Variants in GPR137C observed in about 807,000 individuals in gnomAD.
GPR137C encodes the protein G protein-coupled receptor 137C.
Under a neutral mutation model 43.4 loss-of-function variants are expected in GPR137C, and 27 were observed. The observed-to-expected ratio is 0.62, with a 90% CI of 0.46 to 0.86. GPR137C has a LOEUF of 0.86. Among genes scored for constraint, GPR137C ranks in the 40% least tolerant of loss-of-function variants. The pLI, the probability that GPR137C is intolerant of heterozygous loss-of-function variation, is 0.00. For missense variants in GPR137C, 522 were observed against 534.6 expected (o/e 0.98, Z 0.23); for synonymous variants, 285 against 226.9 (o/e 1.26, Z -2.30).
intron 3 of GPR137C, among the ~76,000 whole-genome samples, chr14:52,618,523 TTCTC>T (rs569099656): frequency 4.9e-4 from 75 of 152,288 alleles, no homozygotes; most frequent in Non-Finnish European, 8.2e-4. Context: ...ATTTGTCTTT[TTCTC>T]TCTCATTAAG....
intron 1 of GPR137C, among the ~76,000 whole-genome samples, chr14:52,580,814 ATATT>A (rs1202846519): frequency 6.8e-6 from 1 of 146,034 alleles, no homozygotes; most frequent in Non-Finnish European, 1.5e-5. Flanking sequence ...TATATTATTT[ATATT>A]TATATAATAA....
intron 3 of GPR137C, among the ~76,000 whole-genome samples, chr14:52,627,715 G>A (rs1382667129): frequency 5.3e-5 from 8 of 151,980 alleles, no homozygotes; most frequent in East Asian, 1.9e-4. Flanking sequence ...ATGGTGGCAC[G>A]TGCCTGTAAT....
intron 3 of GPR137C, among the ~76,000 whole-genome samples, chr14:52,608,412 C>T (rs1436176915): frequency 1.3e-5 from 2 of 152,194 alleles, no homozygotes; most frequent in East Asian, 1.9e-4. Flanking sequence ...CTCTTCCCCA[C>T]ATTTTGAACG....
intron 1 of GPR137C, among the ~76,000 whole-genome samples, chr14:52,568,842 G>A (rs1273447209): frequency 2.6e-5 from 4 of 152,226 alleles, no homozygotes; most frequent in Non-Finnish European, 5.9e-5. Context: ...AGGGCACCTG[G>A]GGGAAGGGGC....
At chr14:52,577,099 A>G (rs888777282) in intron 1 of GPR137C, among the ~76,000 whole-genome samples, 3 of 149,956 alleles carry the variant, frequency 2.0e-5, no homozygotes, top group African/African-American at 7.4e-5. Flanking sequence ...AAGCAGAAGA[A>G]TCACTTGAAC....
intron 1 of GPR137C, among the ~76,000 whole-genome samples, chr14:52,561,070 A>C (rs1189087876): frequency 6.6e-6 from 1 of 151,386 alleles, no homozygotes; most frequent in Non-Finnish European, 1.5e-5. Context: ...ATATATGCAT[A>C]GCCAAGAAAC....
chr14:52,594,062 T>A (rs1303120257), intron 1 of GPR137C, among the ~76,000 whole-genome samples: 8 of 152,216 alleles, frequency 5.3e-5, no homozygotes, highest in Admixed American at 3.3e-4. Context: ...AGAACATCTT[T>A]ATTTCTGCCT....
At chr14:52,603,257 G>A (rs1325080994) in intron 3 of GPR137C, among the ~76,000 whole-genome samples, 2 of 152,102 alleles carry the variant, frequency 1.3e-5, no homozygotes, top group Admixed American at 6.6e-5. Flanking sequence ...GTCCATCCAC[G>A]TTGTTTCAAA....
intron 3 of GPR137C, among the ~76,000 whole-genome samples, chr14:52,603,196 A>G (rs1387221307): frequency 2.0e-5 from 3 of 152,146 alleles, no homozygotes; most frequent in African/African-American, 4.8e-5. Flanking sequence ...AACATGTAGT[A>G]TATTTGTCTT....
chr14:52,633,714 A>T (rs2039319657), intron 5 of GPR137C, 59 bp downstream of exon 5: 1 of 1,577,126 alleles, frequency 6.3e-7, no homozygotes, highest in Admixed American at 1.7e-5. Flanking sequence ...TGGAACATTT[A>T]TATTGATTTT....
intron 1 of GPR137C, among the ~76,000 whole-genome samples, chr14:52,579,549 C>G (rs1204876419): frequency 6.6e-6 from 1 of 152,190 alleles, no homozygotes; most frequent in Non-Finnish European, 1.5e-5. Context: ...GGTAATCATA[C>G]ATTGTGTTGG....
chr14:52,575,424 A>G (rs1315133286), intron 1 of GPR137C, among the ~76,000 whole-genome samples: 1 of 152,184 alleles, frequency 6.6e-6, no homozygotes, highest in Non-Finnish European at 1.5e-5. Context: ...TATAAAAAAT[A>G]CTTTTAGTTA....
intron 3 of GPR137C, among the ~76,000 whole-genome samples, chr14:52,618,240 G>C (rs757047964): frequency 1.3e-5 from 2 of 152,162 alleles, no homozygotes; most frequent in African/African-American, 2.4e-5. Context: ...TACTACTTAA[G>C]TAGTTTTTCT....
At chr14:52,617,356 G>C (rs1289619183) in intron 3 of GPR137C, among the ~76,000 whole-genome samples, 1 of 151,878 alleles carries the variant, frequency 6.6e-6, no homozygotes. Context: ...ATATGGAAAG[G>C]CCTTAGAGAG....
intron 1 of GPR137C, among the ~76,000 whole-genome samples, chr14:52,577,502 G>A (rs146993878): frequency 1.6e-5 from 2 of 127,304 alleles, no homozygotes; most frequent in Non-Finnish European, 3.3e-5. Context: ...AAACATGCAC[G>A]CGTGCGCGCG....
At position 52,636,119 on chromosome 14, in the gene GPR137C, C is replaced by T. The variant is rs1471474709; in HGVS notation, c.*1004C>T. ...AACTCAAGTGCAATACTTTGTAAGA[C>T]ATATAATTCCTATGATTTTCACATT... is the stretch of plus-strand genomic sequence containing the variant. On this transcript the variant is annotated 3_prime_UTR_variant, in exon 7 of 7. Coordinates refer to ENST00000321662, the MANE Select transcript of GPR137C (RefSeq NM_001099652.2). 1.3e-5 allele frequency: 2 copies of T among 151,944 alleles called. No individual in the cohort carries two copies. Among genetic ancestry groups the T allele is most frequent in the Non-Finnish European group, 2.9e-5 (2 of 67,960 alleles). The allele number at this position is 151,944 out of a possible 1,614,324, so 9.4% of individuals were successfully genotyped here. A position where few individuals can be genotyped will look rare whatever the true frequency, so the allele number is the denominator to read the frequency against.
intron 3 of GPR137C, among the ~76,000 whole-genome samples, chr14:52,617,592 T>C (rs538430686): frequency 6.6e-6 from 1 of 152,230 alleles, no homozygotes; most frequent in Non-Finnish European, 1.5e-5. Flanking sequence ...GGCAGGAGCA[T>C]TGCTTGAACC....
At chr14:52,554,392 A>T (rs779714913) in intron 1 of GPR137C, among the ~76,000 whole-genome samples, 80 of 151,814 alleles carry the variant, frequency 5.3e-4, no homozygotes, top group Non-Finnish European at 9.4e-4. Context: ...ACCTAATCAC[A>T]CCCCCTTTCT....
intron 1 of GPR137C, among the ~76,000 whole-genome samples, chr14:52,554,380 G>A (rs1172960978): frequency 6.6e-6 from 1 of 152,136 alleles, no homozygotes; most frequent in African/African-American, 2.4e-5. Flanking sequence ...TTAATATCTG[G>A]AACCTAATCA....
Sources: gnomAD v4.1 joint callset for allele counts (sites outside exome capture counted in the v4.1 genomes callset) on GRCh38, gnomAD v4.1.1 for gene constraint, MANE v1.5 for transcripts, NCBI Gene and HGNC (gene_info 2026-07-23, HGNC 2026-07-21) for gene names.